IGLON5: variants seen among roughly 807,000 people sequenced by gnomAD.
IGLON5 encodes IgLON family member 5.
A neutral mutation model predicts 38.2 loss-of-function variants in IGLON5; 16 were observed. The ratio of observed to expected loss-of-function variants is 0.42; its 90% CI spans 0.28 to 0.64. The LOEUF is 0.64. IGLON5 is among the 30% of genes least tolerant of loss of function. IGLON5 has a pLI of 0.23. For missense variants in IGLON5, 366 were observed against 483.4 expected (o/e 0.76, Z 2.28); for synonymous variants, 207 against 216.4 (o/e 0.96, Z 0.38).
chr19:51,314,187 A>T (rs1175799409), intron 1 of IGLON5, among the ~76,000 whole-genome samples: 10 of 131,062 alleles, frequency 7.6e-5, no homozygotes, highest in East Asian at 2.3e-4. Flanking sequence ...CACATTCACT[A>T]TTTTTTTTTT....
chr19:51,317,607 G>A (rs1463032787), intron 1 of IGLON5, among the ~76,000 whole-genome samples: 4 of 152,158 alleles, frequency 2.6e-5, no homozygotes, highest in African/African-American at 9.7e-5. Flanking sequence ...CAGAGCAACT[G>A]ACAGCCCAGA....
At chr19:51,320,316 G>A (rs1985021530) in intron 1 of IGLON5, among the ~76,000 whole-genome samples, 1 of 152,180 alleles carries the variant, frequency 6.6e-6, no homozygotes, top group African/African-American at 2.4e-5. Context: ...GAGGGCCCCC[G>A]GGAGTCATTG....
chr19:51,328,612 G>A (rs778110928), intron 7 of IGLON5, 59 bp from the exon 8 acceptor site: 6 of 1,145,712 alleles, frequency 5.2e-6, no homozygotes, highest in South Asian at 4.7e-5. Flanking sequence ...CCCCTGGAGA[G>A]ACACACATGG....
rs1365768748 is a variant in IGLON5 at position 51,325,693 on chromosome 19, G to A, written c.511+228G>A. 6.6e-6 allele frequency among the ~76,000 whole-genome samples: 1 copy of A among 152,092 alleles called. No homozygotes were observed. Among genetic ancestry groups the A allele is most frequent in the Non-Finnish European group, 1.5e-5 (1 of 68,018 alleles). On this transcript the variant is annotated intron_variant, in intron 4 of 7. Coordinates refer to ENST00000270642, the MANE Select transcript of IGLON5 (RefSeq NM_001101372.3). The surrounding 1 kb of genome is among the most constrained non-coding windows in gnomAD (Gnocchi z 5.5). ...CCTAGGCCTGGGCCACTGCTTCTGC[G>A]TCACTTGCCAAACCCCAGCCTGCGT...
Position 51,326,903 on chromosome 19 carries a change from GC to G in IGLON5, c.646+11del. 6.4e-7 allele frequency: 1 copy of G among 1,569,316 alleles called. No individual in the cohort carries two copies. Reference sequence around the variant, plus strand: ...GCGTGCTGGTCACAGTCAACTGTGAGCCCCCCTGGCACTGGGCACGAAAGGG... The same window carrying G: ...GCGTGCTGGTCACAGTCAACTGTGAGCCCCCTGGCACTGGGCACGAAAGGG... On this transcript the variant is annotated splice_donor_region_variant and intron_variant, in intron 5 of 7. Transcript: ENST00000270642.
Position 51,327,094 on chromosome 19 carries a change from A to G in IGLON5, c.661A>G (p.Thr221Ala). 1 of 1,609,276 alleles carries G rather than the reference A, an allele frequency of 6.2e-7. No individual in the cohort carries two copies. The highest frequency in any genetic ancestry group is 1.1e-5 in the South Asian group (1 of 90,924). ...CCCCTCGCCAGATCCTCCGACCATCACGGACGTGACCAGCGCCCGCACCGC... is the reference window on the plus strand; with the variant it reads ...CCCCTCGCCAGATCCTCCGACCATCGCGGACGTGACCAGCGCCCGCACCGC... ...LVTVNYPPTI[T>A]DVTSARTALG... Residue 221 changes from threonine (T) to alanine (A), a missense_variant, in exon 6 of 8, where the codon ACG becomes GCG. By Grantham distance (58) the Thr-to-Ala change is moderately conservative. Transcript: ENST00000270642. The surrounding 1 kb of genome is among the most constrained non-coding windows in gnomAD (Gnocchi z 7.1).
At chr19:51,322,533 C>T (rs1419075045) in intron 2 of IGLON5, among the ~76,000 whole-genome samples, 1 of 151,462 alleles carries the variant, frequency 6.6e-6, no homozygotes, top group Non-Finnish European at 1.5e-5. Flanking sequence ...CAGGTCTCCA[C>T]CTCTCCTCAC....
At chr19:51,328,265 G>A (rs1451598381) in intron 7 of IGLON5, among the ~76,000 whole-genome samples, 13 of 151,486 alleles carry the variant, frequency 8.6e-5, no homozygotes, top group Non-Finnish European at 1.8e-4. Flanking sequence ...ACTTTGGGAG[G>A]CCGAGGCGGG....
chr19:51,326,089 A>T (rs1985210535), intron 4 of IGLON5, among the ~76,000 whole-genome samples: 1 of 151,866 alleles, frequency 6.6e-6, no homozygotes, highest in African/African-American at 2.4e-5. Flanking sequence ...CAGCCCTTTT[A>T]TGTGGATCTC....
chr19:51,317,294 C>T, intron 1 of IGLON5, among the ~76,000 whole-genome samples: 1 of 152,218 alleles, frequency 6.6e-6, no homozygotes, highest in East Asian at 1.9e-4. Flanking sequence ...ATCACCCTAA[C>T]AGCCAGCTCA....
At chr19:51,314,993 C>A (rs969917497) in intron 1 of IGLON5, among the ~76,000 whole-genome samples, 1 of 151,938 alleles carries the variant, frequency 6.6e-6, no homozygotes, top group East Asian at 1.9e-4. Flanking sequence ...TGATTTTTTT[C>A]CCCCAAAATA....
At chr19:51,316,224 A>G (rs1472114040) in intron 1 of IGLON5, among the ~76,000 whole-genome samples, 1 of 149,434 alleles carries the variant, frequency 6.7e-6, no homozygotes, top group Non-Finnish European at 1.5e-5. Context: ...ACGCACCAGT[A>G]GTCCCAGCTA....
At position 51,325,379 on chromosome 19, in the gene IGLON5, T is replaced by A. The variant is rs761292615; in HGVS notation, c.425T>A (p.Val142Glu). The A allele has an allele frequency of 1.9e-6, 3 of 1,613,854 alleles. No individual in the cohort carries two copies. The highest frequency in any genetic ancestry group is 2.5e-6 in the Non-Finnish European group (3 of 1,179,820). The change falls in exon 4 of 8, where the codon GTG becomes GAG. Residue 142 changes from valine to glutamate, a missense_variant. Val to Glu is a moderately radical substitution (Grantham distance 121). Transcript: ENST00000270642. This position sits in a 1 kb window ranked among gnomAD's most constrained non-coding sequence, Gnocchi z 5.5. Reference protein sequence around the residue: ...PARIVNISSPVTVNEGGNVNL... With the variant: ...PARIVNISSPETVNEGGNVNL... ...CGCATTGTGAACATCTCGTCGCCTGTGACGGTGAATGAGGGGGGCAATGTG... is the reference window on the plus strand; with the variant it reads ...CGCATTGTGAACATCTCGTCGCCTGAGACGGTGAATGAGGGGGGCAATGTG...
In IGLON5 at chr19:51,325,396, G is replaced by A; in HGVS notation, c.442G>A (p.Gly148Ser). 2 of 1,613,848 alleles carry A rather than the reference G, an allele frequency of 1.2e-6. No individual in the cohort carries two copies. The highest frequency in any genetic ancestry group is 1.7e-6 in the Non-Finnish European group (2 of 1,179,804). ...GTCGCCTGTGACGGTGAATGAGGGG[G>A]GCAATGTGAACCTGCTTTGCCTGGC... ...ISSPVTVNEG[G>S]NVNLLCLAVG... is the part of the protein sequence containing the mutation. The change falls in exon 4 of 8, where the codon GGC (glycine) becomes AGC (serine). Residue 148 changes from glycine to serine, a missense_variant. Physicochemically the swap from Gly to Ser is moderately conservative, Grantham distance 56 (BLOSUM62 0). Coordinates refer to ENST00000270642, the MANE Select transcript of IGLON5 (RefSeq NM_001101372.3). The surrounding 1 kb of genome is among the most constrained non-coding windows in gnomAD (Gnocchi z 5.5).
Position 51,328,746 on chromosome 19 carries a change from G to C in IGLON5, c.998G>C (p.Trp333Ser), listed in dbSNP as rs1311362804. The C allele has an allele frequency of 6.3e-7, 1 of 1,599,814 alleles. No individual in the cohort carries two copies. The highest frequency in any genetic ancestry group is 1.7e-5 in the Admixed American group (1 of 58,352). ...CTCCTCTCCGCCCTGGGCTGGCTGT[G>C]GTGGAGAATGTAGGCGCAACCCAGT... is the stretch of plus-strand genomic sequence containing the variant. ...LALLSALGWL[W>S]WRM is the part of the protein sequence containing the mutation. Residue 333 changes from tryptophan to serine, a missense_variant, in exon 8 of 8, where the codon TGG (tryptophan) becomes TCG (serine). Transcript: ENST00000270642.
chr19:51,319,444 A>G (rs1305273302), intron 1 of IGLON5, among the ~76,000 whole-genome samples: 1 of 151,966 alleles, frequency 6.6e-6, no homozygotes, highest in African/African-American at 2.4e-5. Flanking sequence ...CACGGGTTGT[A>G]GCTTTGTGTG....
intron 1 of IGLON5, among the ~76,000 whole-genome samples, chr19:51,320,907 G>A (rs769413491): frequency 2.3e-4 from 35 of 152,096 alleles, no homozygotes; most frequent in Non-Finnish European, 4.7e-4. Context: ...GTGTATTCAC[G>A]TATATATGTG....
chr19:51,328,324 AAACTATGTCTC>A (rs1985265744), intron 7 of IGLON5, among the ~76,000 whole-genome samples: 1 of 147,206 alleles, frequency 6.8e-6, no homozygotes, highest in Non-Finnish European at 1.5e-5. Context: ...CAACATGGTG[AAACTATGTCTC>A]TACCAAAAAA....
Position 51,324,180 on chromosome 19 carries a change from G to C in IGLON5, c.391+286G>C, listed in dbSNP as rs2123530184. 6.6e-6 allele frequency among the ~76,000 whole-genome samples: 1 copy of C among 152,312 alleles called. No homozygotes were observed. Among genetic ancestry groups the C allele is most frequent in the South Asian group, 2.1e-4 (1 of 4,828 alleles). On this transcript the variant is annotated intron_variant, in intron 3 of 7. Coordinates refer to ENST00000270642, the MANE Select transcript of IGLON5 (RefSeq NM_001101372.3). This position sits in a 1 kb window ranked among gnomAD's most constrained non-coding sequence, Gnocchi z 4.2. ...CCCATTCCTGGAGGGCCTACTCTGT[G>C]TAAGCATTGATCTACAGAACAAGGC...
Sources: gnomAD v4.1 joint callset for allele counts (sites outside exome capture counted in the v4.1 genomes callset) on GRCh38, gnomAD v4.1.1 for gene constraint, Gnocchi (gnomAD v3.1) non-coding constraint, MANE v1.5 for transcripts, NCBI Gene and HGNC (gene_info 2026-07-23, HGNC 2026-07-21) for gene names.